NCKAP5: variants seen among roughly 807,000 people sequenced by gnomAD.
The protein encoded by NCKAP5 is nck-associated protein 5.
NCKAP5 carries 92 observed loss-of-function variants against 167.0 expected under a neutral mutation model. That is an observed-to-expected ratio of 0.55 (90% CI 0.47 to 0.66). NCKAP5 has a LOEUF of 0.66. NCKAP5 is among the 30% of genes least tolerant of loss of function. NCKAP5 has a pLI of 0.00. For missense variants in NCKAP5, 2,378 were observed against 2,315.0 expected (o/e 1.03, Z -0.56); for synonymous variants, 891 against 877.4 (o/e 1.02, Z -0.27).
chr2:133,224,155 C>T (rs1001845347), intron 4 of NCKAP5, among the ~76,000 whole-genome samples: 2 of 152,136 alleles, frequency 1.3e-5, no homozygotes, highest in Non-Finnish European at 2.9e-5. Flanking sequence ...TCGAATGACA[C>T]CCACATTTTC....
chr2:133,289,613 C>G (rs542925779), intron 4 of NCKAP5, among the ~76,000 whole-genome samples: 1 of 151,878 alleles, frequency 6.6e-6, no homozygotes, highest in Non-Finnish European at 1.5e-5. Flanking sequence ...ATTGCTTGAA[C>G]CCAGGAGGTG....
intron 19 of NCKAP5, among the ~76,000 whole-genome samples, chr2:132,710,358 C>A (rs1177514435): frequency 6.6e-6 from 1 of 152,170 alleles, no homozygotes. Context: ...ATGTCTATCA[C>A]CACCAATTTA....
At chr2:132,740,769 C>A (rs1189260581) in intron 16 of NCKAP5, among the ~76,000 whole-genome samples, 1 of 151,848 alleles carries the variant, frequency 6.6e-6, no homozygotes, top group Non-Finnish European at 1.5e-5. Context: ...TAATGGAAGA[C>A]CAGACTTTGG....
intron 3 of NCKAP5, among the ~76,000 whole-genome samples, chr2:133,450,893 AT>A (rs1691509051): frequency 6.6e-6 from 1 of 152,188 alleles, no homozygotes; most frequent in Non-Finnish European, 1.5e-5. Flanking sequence ...AAAGGTTTTC[AT>A]ATGCTAAAGC....
chr2:132,793,719 C>T (rs771215364), intron 12 of NCKAP5, among the ~76,000 whole-genome samples: 19 of 152,080 alleles, frequency 1.2e-4, no homozygotes, highest in Non-Finnish European at 2.6e-4. Context: ...CCAGCAGGCA[C>T]GTAAGTTAAG....
chr2:133,457,070 GA>G (rs1306122604), intron 3 of NCKAP5, among the ~76,000 whole-genome samples: 3 of 152,142 alleles, frequency 2.0e-5, no homozygotes, highest in Admixed American at 2.0e-4. Flanking sequence ...TCAGGACAAG[GA>G]TGCATTGTAT....
chr2:133,615,106 T>G, the NCKAP5 span, among the ~76,000 whole-genome samples: 27 of 150,620 alleles, frequency 1.8e-4, no homozygotes, highest in African/African-American at 6.3e-4. Context: ...TGCTGAGAGA[T>G]TTTGTCACCA....
chr2:133,260,192 T>C (rs1574524344), intron 4 of NCKAP5, among the ~76,000 whole-genome samples: 1 of 152,200 alleles, frequency 6.6e-6, no homozygotes, highest in East Asian at 1.9e-4. Context: ...TGTTCAATAT[T>C]AGAATAAAGA....
intron 4 of NCKAP5, among the ~76,000 whole-genome samples, chr2:133,249,231 T>C (rs1397054461): frequency 6.6e-6 from 1 of 152,114 alleles, no homozygotes; most frequent in Non-Finnish European, 1.5e-5. Context: ...CTGGATTTTT[T>C]TGGCAGGGCT....
At chr2:133,177,781 T>A (rs1370960500) in intron 5 of NCKAP5, among the ~76,000 whole-genome samples, 1 of 152,044 alleles carries the variant, frequency 6.6e-6, no homozygotes, top group African/African-American at 2.4e-5. Context: ...GAGCTCCCCA[T>A]CCCCACAATG....
chr2:133,093,342 G>A (rs74858740), intron 6 of NCKAP5, among the ~76,000 whole-genome samples: 2,529 of 152,270 alleles, frequency 0.017, 80 homozygotes, highest in African/African-American at 0.055. Flanking sequence ...GACTCTAAGA[G>A]TTATCTTTAG....
intron 12 of NCKAP5, among the ~76,000 whole-genome samples, chr2:132,794,112 A>G (rs1211794146): frequency 1.3e-5 from 2 of 151,078 alleles, no homozygotes; most frequent in Non-Finnish European, 2.9e-5. Flanking sequence ...AATGGAGATC[A>G]TGAAAGTAGT....
At chr2:133,215,979 T>C (rs1234108950) in intron 4 of NCKAP5, among the ~76,000 whole-genome samples, 1 of 151,900 alleles carries the variant, frequency 6.6e-6, no homozygotes, top group Non-Finnish European at 1.5e-5. Context: ...AACAAACAAT[T>C]GGAAAATAAA....
intron 6 of NCKAP5, among the ~76,000 whole-genome samples, chr2:133,102,744 AACACACACACACACACACACAC>A (rs3051212): frequency 2.2e-5 from 3 of 135,120 alleles, no homozygotes; most frequent in Non-Finnish European, 3.2e-5. Flanking sequence ...CAAGCATGTA[AACACACACACACACACACACAC>A]ACACACACAC....
intron 8 of NCKAP5, among the ~76,000 whole-genome samples, chr2:132,933,696 T>G (rs910885559): frequency 3.3e-5 from 5 of 152,242 alleles, no homozygotes; most frequent in African/African-American, 1.2e-4. Context: ...ATGTATGAGT[T>G]TCTTTTTTTG....
chr2:133,619,693 A>C, the NCKAP5 span, among the ~76,000 whole-genome samples: 1 of 152,182 alleles, frequency 6.6e-6, no homozygotes, highest in African/African-American at 2.4e-5. Flanking sequence ...GGGAATAATC[A>C]AGGAAAACTT....
chr2:133,400,601 G>T (rs1170055504), intron 3 of NCKAP5, among the ~76,000 whole-genome samples: 1 of 152,144 alleles, frequency 6.6e-6, no homozygotes, highest in Admixed American at 6.5e-5. Flanking sequence ...GGCAAGGAAG[G>T]ATTCTTCCCT....
intron 11 of NCKAP5, among the ~76,000 whole-genome samples, chr2:132,839,582 G>GGTTGC (rs1198532377): frequency 6.6e-6 from 1 of 151,798 alleles, no homozygotes; most frequent in African/African-American, 2.4e-5. Flanking sequence ...GCAACATGGT[G>GGTTGC]AAAACCCATC....
chr2:132,998,546 G>A (rs149654157), intron 6 of NCKAP5, among the ~76,000 whole-genome samples: 190 of 152,194 alleles, frequency 1.2e-3, no homozygotes, highest in Middle Eastern at 3.4e-3. Context: ...TCATGTCACA[G>A]AGAAAATGTT....
Sources: gnomAD v4.1 joint callset for allele counts (sites outside exome capture counted in the v4.1 genomes callset) on GRCh38, gnomAD v4.1.1 for gene constraint, MANE v1.5 for transcripts, NCBI Gene and HGNC (gene_info 2026-07-23, HGNC 2026-07-21) for gene names.